The following MYLK variants were observed in gnomAD, a reference collection of about 807,000 sequenced individuals.
MYLK encodes the protein myosin light chain kinase, smooth muscle.
MYLK carries 106 observed loss-of-function variants against 203.4 expected under a neutral mutation model. The ratio of observed to expected loss-of-function variants is 0.52; its 90% CI spans 0.45 to 0.61. MYLK has a LOEUF of 0.61. Ranked by LOEUF, MYLK falls within the 20% of genes least tolerant of loss-of-function variation. The pLI, the probability that MYLK is intolerant of heterozygous loss-of-function variation, is 0.00. For missense variants in MYLK, 2,072 were observed against 2,442.3 expected, an observed-to-expected ratio of 0.85 and a Z score of 3.20; for synonymous variants, 867 against 959.5, an observed-to-expected ratio of 0.90 and a Z score of 1.78.
At chr3:123,878,255 G>C (rs1393208586) in intron 1 of MYLK, among the ~76,000 whole-genome samples, 4 of 152,344 alleles carry the variant, frequency 2.6e-5, no homozygotes, top group South Asian at 2.1e-4. Flanking sequence ...CAGATGAGTA[G>C]AGAAGGGCTT....
At chr3:123,774,620 A>G (rs570466395) in intron 4 of MYLK, among the ~76,000 whole-genome samples, 1 of 152,322 alleles carries the variant, frequency 6.6e-6, no homozygotes, top group South Asian at 2.1e-4. Context: ...CAAGTATCAA[A>G]AAGTTATGGC....
chr3:123,666,917 A>T, intron 21 of MYLK: 1 of 612,834 alleles, frequency 1.6e-6, no homozygotes, highest in South Asian at 2.0e-5. Flanking sequence ...AGGCAGATGG[A>T]AAGACAAAGC....
At chr3:123,842,140 C>T (rs1272211293) in intron 2 of MYLK, among the ~76,000 whole-genome samples, 23 of 151,906 alleles carry the variant, frequency 1.5e-4, no homozygotes, top group Non-Finnish European at 1.5e-4. Flanking sequence ...CACCTATATA[C>T]TATTCATAAG....
At chr3:123,632,962 AT>A (rs754656495) in intron 29 of MYLK, among the ~76,000 whole-genome samples, 55 of 151,370 alleles carry the variant, frequency 3.6e-4, no homozygotes, top group Non-Finnish European at 6.0e-4. Flanking sequence ...CACCTGGCTA[AT>A]TTTTTGTATT....
intron 2 of MYLK, among the ~76,000 whole-genome samples, chr3:123,849,208 T>C (rs1402792934): frequency 6.6e-6 from 1 of 152,062 alleles, no homozygotes; most frequent in Non-Finnish European, 1.5e-5. Context: ...ATTTCTGAGC[T>C]CAAGTGATCC....
At chr3:123,723,794 G>A (rs954089210) in intron 12 of MYLK, among the ~76,000 whole-genome samples, 3 of 152,234 alleles carry the variant, frequency 2.0e-5, no homozygotes, top group African/African-American at 4.8e-5. Flanking sequence ...AGAAAACACC[G>A]TCTTGAGTGA....
At chr3:123,703,630 G>T (rs1027451473) in intron 16 of MYLK, among the ~76,000 whole-genome samples, 1 of 152,246 alleles carries the variant, frequency 6.6e-6, no homozygotes, top group Middle Eastern at 3.4e-3. Context: ...AGTGTGCCCC[G>T]AGTTCTCAAC....
At chr3:123,860,423 C>G (rs971990149) in intron 2 of MYLK, among the ~76,000 whole-genome samples, 3 of 152,130 alleles carry the variant, frequency 2.0e-5, no homozygotes, top group African/African-American at 2.4e-5. Flanking sequence ...TTGAGCCTAA[C>G]GACACCCAGA....
chr3:123,769,004 C>G (rs1172934893), intron 4 of MYLK, among the ~76,000 whole-genome samples: 1 of 152,210 alleles, frequency 6.6e-6, no homozygotes, highest in Non-Finnish European at 1.5e-5. Flanking sequence ...GCAGCATCTA[C>G]ACTATTATCT....
chr3:123,733,980 T>C lies in MYLK; in HGVS notation c.1016A>G (p.Gln339Arg), dbSNP rs2108792544. 3.7e-6 allele frequency: 6 copies of C among 1,614,166 alleles called. No homozygotes were observed. Among genetic ancestry groups the C allele is most frequent in the Non-Finnish European group, 5.1e-6 (6 of 1,180,036 alleles). ...CAGGGTGATGGAGCTGGAAGTCTTC[T>C]GAAGGACCGGGGTCTGCGGGGCCGT... ...PRTAPQTPVL[Q>R]KTSSSITLQA... The change falls in exon 10 of 34, where the codon CAG (glutamine) becomes CGG (arginine). Residue 339 changes from glutamine (Q) to arginine (R), a missense_variant. Coordinates refer to ENST00000360304, the MANE Select transcript of MYLK (RefSeq NM_053025.4).
At chr3:123,866,838 C>T (rs75510470) in intron 2 of MYLK, among the ~76,000 whole-genome samples, 6 of 152,276 alleles carry the variant, frequency 3.9e-5, no homozygotes, top group Admixed American at 6.5e-5. Flanking sequence ...CAGAAAGGGA[C>T]GTCAGAAGCT....
chr3:123,636,635 C>T (rs995720390), intron 29 of MYLK, among the ~76,000 whole-genome samples: 4 of 152,328 alleles, frequency 2.6e-5, no homozygotes, highest in Non-Finnish European at 4.4e-5. Context: ...AGGCTGGCCC[C>T]GCCCCCTACC....
At chr3:123,871,262 A>C (rs1577158994) in intron 2 of MYLK, among the ~76,000 whole-genome samples, 1 of 152,230 alleles carries the variant, frequency 6.6e-6, no homozygotes, top group Non-Finnish European at 1.5e-5. Flanking sequence ...CAATGATCTA[A>C]GCATTCACTT....
chr3:123,825,457 A>G (rs1052371071), intron 3 of MYLK, among the ~76,000 whole-genome samples: 24 of 152,206 alleles, frequency 1.6e-4, no homozygotes, highest in Non-Finnish European at 5.9e-5. Context: ...CTGGCATTGC[A>G]AACACCTACA....
At chr3:123,627,160 T>C (rs1472187389) in intron 30 of MYLK, among the ~76,000 whole-genome samples, 3 of 152,210 alleles carry the variant, frequency 2.0e-5, no homozygotes, top group African/African-American at 7.2e-5. Flanking sequence ...TTGGTGTTAA[T>C]GAAAGCCCAA....
At chr3:123,672,483 T>TAGTGGGGTGGGCACC (rs2059947278) in intron 20 of MYLK, among the ~76,000 whole-genome samples, 1 of 151,888 alleles carries the variant, frequency 6.6e-6, no homozygotes, top group African/African-American at 2.4e-5. Context: ...TGGGCATCAT[T>TAGTGGGGTGGGCACC]AGTGGGGTGG....
rs531005996 is a variant in MYLK, at chr3:123,620,105, A to T, written c.5368+102T>A. ...TGAATTTATCCTTGCAGGGAATATT[A>T]AAATAAAAAAAAAAAGAACAAAACC... On this transcript the variant is annotated intron_variant, in intron 32 of 33. Coordinates refer to ENST00000360304, the MANE Select transcript of MYLK (RefSeq NM_053025.4). 1.1e-5 allele frequency: 11 copies of T among 999,206 alleles called. No individual in the cohort carries two copies. In the East Asian group the frequency reaches 1.9e-4, roughly 17 times the overall value. The allele number at this position is 999,206 out of a possible 1,614,324, so 61.9% of individuals were successfully genotyped here.
At chr3:123,743,428 C>T (rs1398223238) in intron 5 of MYLK, among the ~76,000 whole-genome samples, 16 of 151,930 alleles carry the variant, frequency 1.1e-4, no homozygotes, top group Non-Finnish European at 5.9e-5. Flanking sequence ...AGAATTTAGG[C>T]TAAAATTACT....
rs374150244 is a variant in MYLK at position 123,648,930 on chromosome 3, C to T, written c.4415+41G>A. On this transcript the variant is annotated intron_variant, in intron 26 of 33. Coordinates refer to ENST00000360304, the MANE Select transcript of MYLK (RefSeq NM_053025.4). This position sits in a 1 kb window ranked among gnomAD's most constrained non-coding sequence, Gnocchi z 4.5. Reference sequence around the variant, plus strand: ...ATCTAACTGTGAGACCCGCACCACCCTCACCCTGGGAGCCCAGAGGCAACT... The same window carrying T: ...ATCTAACTGTGAGACCCGCACCACCTTCACCCTGGGAGCCCAGAGGCAACT... 19 of 1,572,060 alleles carry T rather than the reference C, an allele frequency of 1.2e-5. No homozygotes were observed. In the Admixed American group the frequency reaches 2.2e-4, roughly 18 times the overall value.
Sources: allele counts gnomAD v4.1 joint callset (sites outside exome capture counted in the v4.1 genomes callset), GRCh38; gene constraint gnomAD v4.1.1; non-coding constraint Gnocchi (gnomAD v3.1); transcripts MANE v1.5; gene names NCBI Gene and HGNC (gene_info 2026-07-23, HGNC 2026-07-21).